C12orf42: variants seen among roughly 807,000 people sequenced by gnomAD.
C12orf42 encodes uncharacterized protein C12orf42.
A neutral mutation model predicts 21.6 loss-of-function variants in C12orf42; 25 were observed. That is an observed-to-expected ratio of 1.16 (90% CI 0.84 to 1.62). C12orf42 has a LOEUF of 1.62. Ranked by LOEUF, C12orf42 falls within the 40% of genes most tolerant of loss-of-function variation. The probability of loss-of-function intolerance (pLI) is 0.00; values close to 1 mark genes in which losing one functional copy is unlikely to be tolerated. For synonymous variants in C12orf42, 174 were observed against 175.0 expected (o/e 0.99, Z 0.05); for missense variants, 483 against 459.3 (o/e 1.05, Z -0.47).
At chr12:103,157,519 T>A in the C12orf42 span, among the ~76,000 whole-genome samples, 1 of 152,220 alleles carries the variant, frequency 6.6e-6, no homozygotes, top group East Asian at 1.9e-4. Flanking sequence ...TTGCCTTTGG[T>A]GTTTTAGTCA....
the C12orf42 span, among the ~76,000 whole-genome samples, chr12:103,195,903 G>T: frequency 6.6e-6 from 1 of 151,970 alleles, no homozygotes; most frequent in Non-Finnish European, 1.5e-5. Flanking sequence ...TGCCTCTGGG[G>T]TTTTCATAGT....
chr12:103,272,054 C>T (rs140288332), intron 5 of C12orf42, among the ~76,000 whole-genome samples: 132 of 152,226 alleles, frequency 8.7e-4, no homozygotes, highest in African/African-American at 3.0e-3. Context: ...TTGGCCAACT[C>T]TCAAGTTTAT....
intron 3 of C12orf42, among the ~76,000 whole-genome samples, chr12:103,384,657 C>T (rs1382021490): frequency 3.3e-5 from 5 of 152,112 alleles, no homozygotes; most frequent in African/African-American, 1.2e-4. Flanking sequence ...AAGCATGAAC[C>T]AATCAGAGAC....
chr12:103,323,378 C>T (rs1040402120), intron 4 of C12orf42, among the ~76,000 whole-genome samples: 1 of 152,172 alleles, frequency 6.6e-6, no homozygotes, highest in African/African-American at 2.4e-5. Flanking sequence ...GCCTGTTCAA[C>T]ACAGTGAGGA....
chr12:103,352,431 A>C (rs1230449775), intron 4 of C12orf42, among the ~76,000 whole-genome samples: 1 of 152,134 alleles, frequency 6.6e-6, no homozygotes, highest in Non-Finnish European at 1.5e-5. Context: ...GGTATATTTC[A>C]AGACTTTGCT....
the C12orf42 span, among the ~76,000 whole-genome samples, chr12:103,165,892 C>A: frequency 2.0e-5 from 3 of 151,800 alleles, no homozygotes; most frequent in Non-Finnish European, 4.4e-5. Context: ...AATACAAAAA[C>A]TAGCCGGGCG....
chr12:103,112,904 G>A, the C12orf42 span, among the ~76,000 whole-genome samples: 1 of 152,100 alleles, frequency 6.6e-6, no homozygotes, highest in Non-Finnish European at 1.5e-5. Context: ...GTACCTGCTG[G>A]CCTACTTCTA....
chr12:103,294,470 G>GAA (rs1566025463), intron 4 of C12orf42, among the ~76,000 whole-genome samples: 1 of 101,890 alleles, frequency 9.8e-6, no homozygotes, highest in African/African-American at 4.7e-5. Context: ...AAGAAAGAAA[G>GAA]AAATAAGCAA....
intron 2 of C12orf42, among the ~76,000 whole-genome samples, chr12:103,460,705 T>C (rs1458841148): frequency 6.6e-6 from 1 of 152,196 alleles, no homozygotes; most frequent in African/African-American, 2.4e-5. Flanking sequence ...AAATGTGTTT[T>C]GAGTTATAAA....
chr12:103,448,787 T>C (rs1265919555), intron 2 of C12orf42, among the ~76,000 whole-genome samples: 1 of 149,956 alleles, frequency 6.7e-6, no homozygotes, highest in Non-Finnish European at 1.5e-5. Flanking sequence ...AAAAAAAAAA[T>C]AGATGTTGGT....
At chr12:103,410,856 G>T (rs1201573198) in intron 2 of C12orf42, among the ~76,000 whole-genome samples, 1 of 152,104 alleles carries the variant, frequency 6.6e-6, no homozygotes, top group Admixed American at 6.5e-5. Flanking sequence ...AAGGAAAGCG[G>T]GAAGAGAAAT....
At chr12:103,437,986 G>A (rs1368522245) in intron 2 of C12orf42, among the ~76,000 whole-genome samples, 3 of 150,208 alleles carry the variant, frequency 2.0e-5, no homozygotes, top group African/African-American at 7.3e-5. Flanking sequence ...TCCCTGATGA[G>A]CATCGATGCA....
chr12:103,056,391 C>T, the C12orf42 span, among the ~76,000 whole-genome samples: 10 of 152,162 alleles, frequency 6.6e-5, no homozygotes, highest in East Asian at 1.3e-3. Context: ...TTCTTTGCCT[C>T]TAGTTTTTAG....
chr12:103,347,518 C>T (rs1404600883), intron 4 of C12orf42, among the ~76,000 whole-genome samples: 1 of 152,120 alleles, frequency 6.6e-6, no homozygotes, highest in Admixed American at 6.6e-5. Context: ...TTTATAGATG[C>T]TAAGAAATGT....
chr12:103,274,100 G>A (rs946091598), intron 5 of C12orf42, among the ~76,000 whole-genome samples: 4 of 152,078 alleles, frequency 2.6e-5, no homozygotes, highest in East Asian at 1.9e-4. Flanking sequence ...GCTTTATTAT[G>A]TACTCATTTA....
At chr12:103,074,033 A>G in the C12orf42 span, among the ~76,000 whole-genome samples, 2 of 152,216 alleles carry the variant, frequency 1.3e-5, no homozygotes, top group Admixed American at 6.5e-5. Flanking sequence ...CCTTCCAATC[A>G]GAAGCTTCCC....
At chr12:103,224,503 G>A in the C12orf42 span, among the ~76,000 whole-genome samples, 1 of 152,184 alleles carries the variant, frequency 6.6e-6, no homozygotes, top group Non-Finnish European at 1.5e-5. Flanking sequence ...TGAATGTCAG[G>A]TGGATCAGAG....
At chr12:103,354,512 T>C (rs1169478967) in intron 4 of C12orf42, among the ~76,000 whole-genome samples, 1 of 152,168 alleles carries the variant, frequency 6.6e-6, no homozygotes, top group African/African-American at 2.4e-5. Flanking sequence ...TGAAAGTTTG[T>C]GAGGCCACCC....
At chr12:103,141,540 T>G in the C12orf42 span, among the ~76,000 whole-genome samples, 1 of 149,776 alleles carries the variant, frequency 6.7e-6, no homozygotes. Flanking sequence ...TTTTTTTTTT[T>G]TTTTTTGAGA....
Sources: allele counts gnomAD v4.1 joint callset (sites outside exome capture counted in the v4.1 genomes callset), GRCh38; gene constraint gnomAD v4.1.1; transcripts MANE v1.5; gene names NCBI Gene and HGNC (gene_info 2026-07-23, HGNC 2026-07-21).